ADGRL4: variants seen among roughly 807,000 people sequenced by gnomAD.
ADGRL4 encodes adhesion G protein-coupled receptor L4.
A neutral mutation model predicts 74.8 loss-of-function variants in ADGRL4; 90 were observed. That is an observed-to-expected ratio of 1.20 (90% CI 1.02 to 1.43). ADGRL4 has a LOEUF of 1.43. Among genes scored for constraint, ADGRL4 ranks in the 40% most tolerant of loss-of-function variants. The probability of loss-of-function intolerance (pLI) is 0.00; values close to 1 mark genes in which losing one functional copy is unlikely to be tolerated. For synonymous variants in ADGRL4, 311 were observed against 279.2 expected, an observed-to-expected ratio of 1.11 and a Z score of -1.14; for missense variants, 881 against 814.3, an observed-to-expected ratio of 1.08 and a Z score of -1.00.
intron 2 of ADGRL4, among the ~76,000 whole-genome samples, chr1:78,966,869 C>CTT (rs200694415): frequency 9.5e-5 from 13 of 136,968 alleles, no homozygotes; most frequent in South Asian, 2.3e-4. Context: ...CTTTTTCTTT[C>CTT]TTTTTTTTTT....
chr1:78,911,415 A>G (rs1206505532), intron 12 of ADGRL4, among the ~76,000 whole-genome samples: 1 of 151,814 alleles, frequency 6.6e-6, no homozygotes, highest in Non-Finnish European at 1.5e-5. Context: ...GAAAATAAAT[A>G]TTATTTATTC....
At chr1:78,911,009 T>G (rs1223965284) in intron 12 of ADGRL4, among the ~76,000 whole-genome samples, 1 of 151,904 alleles carries the variant, frequency 6.6e-6, no homozygotes, top group Non-Finnish European at 1.5e-5. Context: ...AGCTTAAATA[T>G]TTGTTTGAAA....
At chr1:78,937,377 G>A (rs1167521077) in intron 6 of ADGRL4, among the ~76,000 whole-genome samples, 1 of 152,166 alleles carries the variant, frequency 6.6e-6, no homozygotes, top group East Asian at 1.9e-4. Flanking sequence ...ACCAGAAGGT[G>A]GAGGTTGCAG....
chr1:78,945,164 C>CAAAAA (rs57419194), intron 3 of ADGRL4, among the ~76,000 whole-genome samples: 45 of 116,524 alleles, frequency 3.9e-4, no homozygotes, highest in African/African-American at 1.2e-3. Context: ...GACTCTGTCT[C>CAAAAA]AAAAAAAAAA....
chr1:78,959,366 C>A (rs1334071027), intron 2 of ADGRL4, among the ~76,000 whole-genome samples: 2 of 152,180 alleles, frequency 1.3e-5, no homozygotes, highest in African/African-American at 4.8e-5. Flanking sequence ...TTAGAAACTG[C>A]AATCAGTTTT....
chr1:78,998,859 A>C (rs1402035578), intron 2 of ADGRL4, among the ~76,000 whole-genome samples: 1 of 152,180 alleles, frequency 6.6e-6, no homozygotes, highest in Non-Finnish European at 1.5e-5. Flanking sequence ...TTTCTCTGGC[A>C]AATTACTTAA....
chr1:78,901,632 G>T (rs1648521019), intron 12 of ADGRL4, among the ~76,000 whole-genome samples: 1 of 152,156 alleles, frequency 6.6e-6, no homozygotes, highest in South Asian at 2.1e-4. Flanking sequence ...GAAATAAAAT[G>T]TATAAAGCAC....
chr1:78,967,367 C>G (rs920047354), intron 2 of ADGRL4, among the ~76,000 whole-genome samples: 10 of 152,108 alleles, frequency 6.6e-5, no homozygotes, highest in African/African-American at 2.2e-4. Flanking sequence ...GGAGTCAAAC[C>G]TTGGCTGCAC....
intron 2 of ADGRL4, among the ~76,000 whole-genome samples, chr1:78,984,979 T>C (rs1650465028): frequency 1.3e-5 from 2 of 151,744 alleles, no homozygotes; most frequent in African/African-American, 4.8e-5. Flanking sequence ...GAAATCTAAA[T>C]GAGTTGTTAA....
chr1:78,933,673 A>G (rs1649293827), intron 7 of ADGRL4, among the ~76,000 whole-genome samples: 1 of 151,438 alleles, frequency 6.6e-6, no homozygotes, highest in African/African-American at 2.5e-5. Flanking sequence ...TTGTTTATTT[A>G]GAAAACCCCA....
At chr1:78,917,286 A>T (rs567561896) in intron 12 of ADGRL4, among the ~76,000 whole-genome samples, 52 of 151,966 alleles carry the variant, frequency 3.4e-4, no homozygotes, top group African/African-American at 1.2e-3. Flanking sequence ...TGATAAGCAA[A>T]AAATGCTTTT....
At chr1:78,985,319 C>A (rs1013552301) in intron 2 of ADGRL4, among the ~76,000 whole-genome samples, 2 of 151,654 alleles carry the variant, frequency 1.3e-5, no homozygotes, top group Non-Finnish European at 3.0e-5. Context: ...TACATAAAAG[C>A]AGGCTTACAA....
intron 6 of ADGRL4, among the ~76,000 whole-genome samples, chr1:78,936,633 C>T (rs1649361613): frequency 1.3e-5 from 2 of 152,048 alleles, no homozygotes; most frequent in Non-Finnish European, 1.5e-5. Context: ...CATGGTTTAA[C>T]TTTTTTTGCA....
chr1:78,895,578 A>G (rs1298983500), intron 12 of ADGRL4, among the ~76,000 whole-genome samples: 1 of 152,182 alleles, frequency 6.6e-6, no homozygotes, highest in African/African-American at 2.4e-5. Context: ...TTAATCAGTT[A>G]TGATGCATTA....
chr1:78,913,672 T>C (rs540502489), intron 12 of ADGRL4, among the ~76,000 whole-genome samples: 4 of 151,878 alleles, frequency 2.6e-5, no homozygotes, highest in African/African-American at 9.6e-5. Flanking sequence ...CACTAATGGG[T>C]ACTAGGCTTA....
chr1:78,954,651 G>A (rs1649793604), intron 2 of ADGRL4, among the ~76,000 whole-genome samples: 2 of 151,956 alleles, frequency 1.3e-5, no homozygotes, highest in Non-Finnish European at 2.9e-5. Flanking sequence ...AATAGGGATG[G>A]CACACAATAT....
At chr1:78,904,834 A>G (rs1029731613) in intron 12 of ADGRL4, among the ~76,000 whole-genome samples, 2 of 152,038 alleles carry the variant, frequency 1.3e-5, no homozygotes, top group African/African-American at 4.8e-5. Context: ...TAAATTACAT[A>G]ATTAATGTAA....
At chr1:78,964,768 C>G (rs1326010483) in intron 2 of ADGRL4, among the ~76,000 whole-genome samples, 1 of 152,108 alleles carries the variant, frequency 6.6e-6, no homozygotes, top group Non-Finnish European at 1.5e-5. Context: ...AGTTGAGATA[C>G]TGTTAAACTC....
chr1:78,990,595 T>C (rs1288285247), intron 2 of ADGRL4, among the ~76,000 whole-genome samples: 1 of 151,946 alleles, frequency 6.6e-6, no homozygotes, highest in East Asian at 1.9e-4. Flanking sequence ...CAACAATTAA[T>C]GCTTTTACTG....
Sources: allele counts gnomAD v4.1 joint callset (sites outside exome capture counted in the v4.1 genomes callset), GRCh38; gene constraint gnomAD v4.1.1; transcripts MANE v1.5; gene names NCBI Gene and HGNC (gene_info 2026-07-23, HGNC 2026-07-21).